VWA3B: variants seen among roughly 807,000 people sequenced by gnomAD.
The protein encoded by VWA3B is von Willebrand factor A domain-containing protein 3B.
A neutral mutation model predicts 158.3 loss-of-function variants in VWA3B; 138 were observed. That is an observed-to-expected ratio of 0.87 (90% CI 0.76 to 1.00). VWA3B has a LOEUF of 1.00. VWA3B is among the 50% of genes least tolerant of loss of function. VWA3B has a pLI of 0.00. For synonymous variants in VWA3B, 596 were observed against 587.3 expected (o/e 1.01, Z -0.21); for missense variants, 1,555 against 1,565.1 (o/e 0.99, Z 0.11).
chr2:98,116,679 G>GT (rs1251719163), intron 3 of VWA3B, among the ~76,000 whole-genome samples: 1 of 152,120 alleles, frequency 6.6e-6, no homozygotes, highest in Non-Finnish European at 1.5e-5. Context: ...GCTAATTTTT[G>GT]TATTTTTTTG....
At chr2:98,174,730 T>C (rs1165004690) in intron 8 of VWA3B, among the ~76,000 whole-genome samples, 1 of 152,060 alleles carries the variant, frequency 6.6e-6, no homozygotes. Context: ...AGGCTATGCA[T>C]ATGTTCAAAA....
At chr2:98,216,936 G>T (rs1318534875) in intron 13 of VWA3B, 1 of 1,301,020 alleles carries the variant, frequency 7.7e-7, no homozygotes, top group Admixed American at 2.3e-5. Flanking sequence ...CCATACAGCT[G>T]AAGACAGCAT....
At chr2:98,091,956 C>A (rs766781143) in intron 1 of VWA3B, among the ~76,000 whole-genome samples, 5 of 152,210 alleles carry the variant, frequency 3.3e-5, no homozygotes, top group African/African-American at 4.8e-5. Flanking sequence ...ATCCTTTCCT[C>A]TTGCATACAC....
chr2:98,274,432 T>C (rs997053258), intron 22 of VWA3B, among the ~76,000 whole-genome samples: 1 of 152,048 alleles, frequency 6.6e-6, no homozygotes, highest in Non-Finnish European at 1.5e-5. Context: ...AAAAGTGACC[T>C]GACTGGGCAG....
At chr2:98,161,493 C>T (rs1231114442) in intron 7 of VWA3B, among the ~76,000 whole-genome samples, 2 of 152,112 alleles carry the variant, frequency 1.3e-5, no homozygotes, top group African/African-American at 4.8e-5. Flanking sequence ...CTAAGGACAC[C>T]ATGTTGAATC....
intron 22 of VWA3B, among the ~76,000 whole-genome samples, chr2:98,281,486 T>C (rs1688873419): frequency 6.6e-6 from 1 of 152,214 alleles, no homozygotes; most frequent in African/African-American, 2.4e-5. Context: ...TTCAATGATT[T>C]AGGGCAGGAA....
chr2:98,093,886 A>T (rs570175196), intron 2 of VWA3B, among the ~76,000 whole-genome samples: 2 of 152,174 alleles, frequency 1.3e-5, no homozygotes, highest in Admixed American at 1.3e-4. Context: ...GAGTGAGGTT[A>T]TGTGGTGTTT....
chr2:98,162,730 C>T (rs766316309), intron 7 of VWA3B, 121 bp from the exon 8 acceptor site: 39 of 1,356,946 alleles, frequency 2.9e-5, no homozygotes, highest in Middle Eastern at 2.6e-4. Context: ...GTGGGGGAAG[C>T]GGAATTTGAT....
intron 2 of VWA3B, among the ~76,000 whole-genome samples, chr2:98,107,878 CTTTATTA>C (rs1559538097): frequency 6.6e-6 from 1 of 151,430 alleles, no homozygotes; most frequent in Non-Finnish European, 1.5e-5. Context: ...CTACTTTGAT[CTTTATTA>C]TTTATTTCCT....
chr2:98,218,122 A>G (rs1684190425), intron 14 of VWA3B, 94 bp downstream of exon 14: 2 of 1,340,076 alleles, frequency 1.5e-6, no homozygotes, highest in Non-Finnish European at 2.0e-6. Context: ...GAAAATAGCA[A>G]CCATAGAGAT....
intron 5 of VWA3B, among the ~76,000 whole-genome samples, chr2:98,127,915 C>T (rs2105010616): frequency 6.6e-6 from 1 of 152,302 alleles, no homozygotes; most frequent in East Asian, 1.9e-4. Flanking sequence ...CCAGTCCTTC[C>T]TTCATTGCTT....
chr2:98,220,276 T>A (rs867653041), intron 14 of VWA3B, among the ~76,000 whole-genome samples: 2 of 151,866 alleles, frequency 1.3e-5, no homozygotes, highest in South Asian at 4.1e-4. Context: ...AGGAAAACCT[T>A]ACCAGATAGA....
rs560526716 is a variant in VWA3B, at chr2:98,090,988, G to A, written c.-32-2073G>A. Among the ~76,000 whole-genome samples, 10 of 152,164 alleles carry A rather than the reference G, an allele frequency of 6.6e-5. No individual in the cohort carries two copies. The South Asian group carries it at 2.1e-3, about 32-fold the overall frequency. On this transcript the variant is annotated intron_variant, in intron 1 of 27. Transcript: ENST00000477737. ...TTGGTCAGGGTAGTCTCGAACTCCT[G>A]GGCTCAAGCGATCTTCTCAACGTGC...
intron 7 of VWA3B, among the ~76,000 whole-genome samples, chr2:98,157,177 A>G (rs935737917): frequency 1.8e-4 from 27 of 152,232 alleles, no homozygotes; most frequent in Non-Finnish European, 2.8e-4. Context: ...CAAGTTGCCC[A>G]TTCTTCATAT....
chr2:98,243,683 G>T (rs987173146), intron 19 of VWA3B, among the ~76,000 whole-genome samples: 1 of 152,148 alleles, frequency 6.6e-6, no homozygotes, highest in African/African-American at 2.4e-5. Context: ...ACTGACATGC[G>T]ATTTGGCCAG....
At chr2:98,130,183 T>C (rs560496931) in intron 6 of VWA3B, among the ~76,000 whole-genome samples, 1 of 152,356 alleles carries the variant, frequency 6.6e-6, no homozygotes, top group Admixed American at 6.5e-5. Context: ...GCGCTTTTGA[T>C]GTGCATATAC....
chr2:98,293,536 A>G (rs1487661238), intron 23 of VWA3B, among the ~76,000 whole-genome samples: 11 of 152,200 alleles, frequency 7.2e-5, no homozygotes, highest in Non-Finnish European at 1.0e-4. Flanking sequence ...TCACAAGAAT[A>G]ATACAGAGAA....
In VWA3B at chr2:98,281,305, G is replaced by A. The variant is rs1023767122; in HGVS notation, c.3046-9206G>A. Among the ~76,000 whole-genome samples the A allele has an allele frequency of 6.6e-5, 10 of 152,200 alleles. No homozygotes were observed. The South Asian group carries it at 1.0e-3, about 16-fold the overall frequency. Reference sequence around the variant, plus strand: ...CACAGAGACAGTTTGCAAATGTCCCGGTCTTTTAATTAAGTGTCCTAGAAA... The same window carrying A: ...CACAGAGACAGTTTGCAAATGTCCCAGTCTTTTAATTAAGTGTCCTAGAAA... On this transcript the variant is annotated intron_variant, in intron 22 of 27. Coordinates refer to ENST00000477737, the MANE Select transcript of VWA3B (RefSeq NM_144992.5).
intron 22 of VWA3B, among the ~76,000 whole-genome samples, chr2:98,273,200 G>T (rs2105894814): frequency 6.6e-6 from 1 of 152,260 alleles, no homozygotes; most frequent in South Asian, 2.1e-4. Flanking sequence ...CATCATCTTT[G>T]GTTCAGTCTT....
Sources: gnomAD v4.1 joint callset for allele counts (sites outside exome capture counted in the v4.1 genomes callset) on GRCh38, gnomAD v4.1.1 for gene constraint, MANE v1.5 for transcripts, NCBI Gene and HGNC (gene_info 2026-07-23, HGNC 2026-07-21) for gene names.